Variants in TENM4 observed in about 807,000 individuals in gnomAD.
TENM4 encodes teneurin transmembrane protein 4, also known as teneurin-4.
In TENM4, 82 loss-of-function variants were observed where a neutral mutation model predicts 243.3. That is an observed-to-expected ratio of 0.34 (90% CI 0.28 to 0.40). The LOEUF (loss-of-function observed/expected upper bound fraction) is 0.40. Ranked by LOEUF, TENM4 falls within the 10% of genes least tolerant of loss-of-function variation. The pLI is 1.00. For missense variants in TENM4, 3,138 were observed against 3,673.3 expected (o/e 0.85, Z 3.77); for synonymous variants, 1,412 against 1,456.3 (o/e 0.97, Z 0.69).
chr11:79,097,182 G>A (rs555145849), intron 4 of TENM4: 4 of 152,294 alleles, frequency 2.6e-5, no homozygotes, highest in Non-Finnish European at 5.9e-5. Flanking sequence ...GGCTGGCGTC[G>A]GAGCCCAGGT....
At chr11:78,698,718 A>G (rs1355698742) in intron 28 of TENM4, among the ~76,000 whole-genome samples, 5 of 152,170 alleles carry the variant, frequency 3.3e-5, no homozygotes, top group Non-Finnish European at 7.3e-5. Flanking sequence ...AGTCCTCATA[A>G]TAGCCCAGAA....
intron 4 of TENM4, among the ~76,000 whole-genome samples, chr11:79,072,258 G>A (rs1046686662): frequency 5.9e-5 from 9 of 152,140 alleles, no homozygotes; most frequent in Non-Finnish European, 1.0e-4. Flanking sequence ...AGGCGAAGTG[G>A]AAGGATCACT....
At chr11:79,090,972 C>A (rs976843383) in intron 4 of TENM4, among the ~76,000 whole-genome samples, 1 of 152,124 alleles carries the variant, frequency 6.6e-6, no homozygotes, top group South Asian at 2.1e-4. Flanking sequence ...GTGGGGGAGT[C>A]AGGCTGGCTT....
Position 79,102,660 on chromosome 11 carries a change from C to A in TENM4, c.-65-32651G>T, listed in dbSNP as rs114467165. On this transcript the variant is annotated intron_variant, in intron 4 of 33. Coordinates refer to ENST00000278550, the MANE Select transcript of TENM4 (RefSeq NM_001098816.3). ...GGTCATTGCTATCGCTTTTGTCTGT[C>A]CATCCATCTATCCACCCATCCTCAA... Among the ~76,000 whole-genome samples, 536 of 152,306 alleles carry A rather than the reference C, an allele frequency of 3.5e-3. 6 individuals carry two copies. The highest frequency in any genetic ancestry group is 0.012 in the African/African-American group (516 of 41,564).
At chr11:79,247,007 C>CCT (rs397953152) in intron 2 of TENM4, among the ~76,000 whole-genome samples, 1 of 149,926 alleles carries the variant, frequency 6.7e-6, no homozygotes, top group African/African-American at 2.4e-5. Context: ...AACACCCCCC[C>CCT]ACCCCCAAAA....
intron 3 of TENM4, among the ~76,000 whole-genome samples, chr11:79,190,212 G>A (rs1025323656): frequency 3.3e-5 from 5 of 152,208 alleles, no homozygotes; most frequent in Non-Finnish European, 5.9e-5. Flanking sequence ...CACATTTTTC[G>A]CTTAGACACA....
intron 28 of TENM4, among the ~76,000 whole-genome samples, chr11:78,688,521 T>C (rs977281094): frequency 1.3e-5 from 2 of 151,958 alleles, no homozygotes; most frequent in African/African-American, 4.8e-5. Context: ...AGCTATAAAC[T>C]AGAATTCAAT....
chr11:79,017,668 A>C (rs1011616218), intron 6 of TENM4, among the ~76,000 whole-genome samples: 2 of 152,276 alleles, frequency 1.3e-5, no homozygotes, highest in Non-Finnish European at 2.9e-5. Flanking sequence ...CATATTACAC[A>C]TTCAAGATAT....
At chr11:79,389,983 T>G (rs537206266) in intron 1 of TENM4, among the ~76,000 whole-genome samples, 8 of 152,198 alleles carry the variant, frequency 5.3e-5, no homozygotes, top group African/African-American at 1.9e-4. Context: ...ACATGGTGGG[T>G]TTTTGTTAAG....
chr11:78,684,221 C>T (rs1309313205), intron 29 of TENM4, among the ~76,000 whole-genome samples: 3 of 152,216 alleles, frequency 2.0e-5, no homozygotes, highest in Non-Finnish European at 4.4e-5. Flanking sequence ...GGCTTTGCAG[C>T]CAGGCTACTT....
intron 2 of TENM4, among the ~76,000 whole-genome samples, chr11:79,290,967 C>A (rs1856346595): frequency 6.6e-6 from 1 of 152,180 alleles, no homozygotes; most frequent in Non-Finnish European, 1.5e-5. Flanking sequence ...GGTCCACAGG[C>A]AGGCAATGAA....
chr11:79,044,127 T>C (rs942789834), intron 6 of TENM4, among the ~76,000 whole-genome samples: 2 of 152,226 alleles, frequency 1.3e-5, no homozygotes, highest in Non-Finnish European at 2.9e-5. Flanking sequence ...AAGAATGGCC[T>C]CATTAGACCA....
At chr11:79,315,123 G>T (rs1856782736) in intron 1 of TENM4, among the ~76,000 whole-genome samples, 1 of 152,178 alleles carries the variant, frequency 6.6e-6, no homozygotes, top group South Asian at 2.1e-4. Context: ...TAGAAAAAAG[G>T]ATCTGCGAGA....
chr11:79,060,852 C>G (rs190302287), intron 6 of TENM4, among the ~76,000 whole-genome samples: 2 of 152,202 alleles, frequency 1.3e-5, no homozygotes, highest in Non-Finnish European at 2.9e-5. Flanking sequence ...TGCTCTACCC[C>G]TGAGAAGTGA....
At chr11:78,781,599 A>G (rs977013565) in intron 16 of TENM4, among the ~76,000 whole-genome samples, 3 of 152,122 alleles carry the variant, frequency 2.0e-5, no homozygotes, top group Non-Finnish European at 4.4e-5. Context: ...AATCTTAAGA[A>G]TCTTCAGGGG....
chr11:78,924,253 A>G (rs933874735), intron 6 of TENM4, among the ~76,000 whole-genome samples: 4 of 152,184 alleles, frequency 2.6e-5, no homozygotes, highest in Non-Finnish European at 5.9e-5. Context: ...CCACCCTACA[A>G]CAAGGGGAAA....
At chr11:79,160,333 C>T (rs1862716497) in intron 3 of TENM4, among the ~76,000 whole-genome samples, 1 of 152,188 alleles carries the variant, frequency 6.6e-6, no homozygotes, top group Non-Finnish European at 1.5e-5. Context: ...AAAATTCTTT[C>T]CACAAACTCC....
intron 2 of TENM4, among the ~76,000 whole-genome samples, chr11:79,280,563 T>C (rs1476116786): frequency 6.6e-6 from 1 of 152,170 alleles, no homozygotes; most frequent in East Asian, 1.9e-4. Context: ...CTACACCTGC[T>C]TTAGGGCTGC....
chr11:79,139,054 ATATAT>A (rs1431361687), intron 4 of TENM4, among the ~76,000 whole-genome samples: 1 of 25,486 alleles, frequency 3.9e-5, no homozygotes, highest in East Asian at 7.0e-4. Context: ...TATATAAAAT[ATATAT>A]TATATTTCTA....
Sources: gnomAD v4.1 joint callset for allele counts (sites outside exome capture counted in the v4.1 genomes callset) on GRCh38, gnomAD v4.1.1 for gene constraint, MANE v1.5 for transcripts, NCBI Gene and HGNC (gene_info 2026-07-23, HGNC 2026-07-21) for gene names.